The following RAB38 variants were observed in gnomAD, a reference collection of about 807,000 sequenced individuals.
RAB38 encodes RAB38, member RAS oncogene family.
In RAB38, 15 loss-of-function variants were observed where a neutral mutation model predicts 18.4. The observed-to-expected ratio is 0.82, with a 90% CI of 0.55 to 1.26. The LOEUF (loss-of-function observed/expected upper bound fraction) is 1.26, where lower values mean the gene tolerates loss of function less well. Ranked by LOEUF, RAB38 falls within the 50% of genes most tolerant of loss-of-function variation. RAB38 has a pLI of 0.00. For missense variants in RAB38, 294 were observed against 267.4 expected (o/e 1.10, Z -0.69); for synonymous variants, 101 against 104.4 (o/e 0.97, Z 0.20).
the RAB38 span, among the ~76,000 whole-genome samples, chr11:87,976,324 T>A: frequency 7.0e-6 from 1 of 142,970 alleles, no homozygotes; most frequent in Non-Finnish European, 1.5e-5. Context: ...ATACCAGAGT[T>A]TTTTATATGT....
intron 2 of RAB38, among the ~76,000 whole-genome samples, chr11:88,139,207 G>C (rs1283894536): frequency 6.6e-6 from 1 of 152,116 alleles, no homozygotes; most frequent in African/African-American, 2.4e-5. Flanking sequence ...ATGATGAGAA[G>C]CTTGTTTTTG....
the RAB38 span, among the ~76,000 whole-genome samples, chr11:87,810,804 G>GA: frequency 0.073 from 10,700 of 146,764 alleles, 448 homozygotes; most frequent in African/African-American, 0.11. Flanking sequence ...TGAATAGAAG[G>GA]AAAAAAAAAA....
At chr11:87,976,089 CTGGTA>C in the RAB38 span, among the ~76,000 whole-genome samples, 1 of 149,854 alleles carries the variant, frequency 6.7e-6, no homozygotes, top group African/African-American at 2.4e-5. Context: ...TCAAAAAAGT[CTGGTA>C]TATGTACATA....
the RAB38 span, among the ~76,000 whole-genome samples, chr11:87,822,492 C>T: frequency 1.3e-5 from 2 of 152,190 alleles, no homozygotes; most frequent in Non-Finnish European, 2.9e-5. Context: ...GTATAGTCAT[C>T]TCAATGCTCA....
At chr11:88,024,929 A>G in the RAB38 span, among the ~76,000 whole-genome samples, 3 of 152,090 alleles carry the variant, frequency 2.0e-5, no homozygotes, top group African/African-American at 7.2e-5. Context: ...GTTAGAAAGA[A>G]TGAATAGATC....
the RAB38 span, among the ~76,000 whole-genome samples, chr11:88,017,174 G>C: frequency 6.6e-6 from 1 of 151,916 alleles, no homozygotes; most frequent in Non-Finnish European, 1.5e-5. Context: ...ACATGAGAGA[G>C]GAAAGGTCAG....
chr11:88,151,540 A>G (rs956960996), intron 1 of RAB38, among the ~76,000 whole-genome samples: 12 of 152,238 alleles, frequency 7.9e-5, no homozygotes, highest in Non-Finnish European at 1.3e-4. Flanking sequence ...ATTTATGTTA[A>G]GAGTCTTATA....
chr11:87,965,526 C>T, the RAB38 span, among the ~76,000 whole-genome samples: 5,475 of 152,234 alleles, frequency 0.036, 127 homozygotes, highest in Non-Finnish European at 0.055. Flanking sequence ...TCACACACTC[C>T]GCTCAACTCC....
the RAB38 span, among the ~76,000 whole-genome samples, chr11:87,932,902 T>G: frequency 3.3e-5 from 5 of 152,138 alleles, no homozygotes; most frequent in Non-Finnish European, 7.4e-5. Context: ...GTCATATTAT[T>G]GAAATTTTAT....
At chr11:88,113,197 G>GAA (rs3079613), downstream of RAB38, 21,575 of 140,958 alleles carry the variant, frequency 0.15, 2,184 homozygotes, top group East Asian at 0.41. Flanking sequence ...TACTTTGTCC[G>GAA]AAAAAAAAAA....
the RAB38 span, among the ~76,000 whole-genome samples, chr11:87,844,082 C>G: frequency 6.6e-6 from 1 of 152,262 alleles, no homozygotes; most frequent in East Asian, 1.9e-4. Context: ...CATATAACGT[C>G]TCATCAGATT....
the RAB38 span, among the ~76,000 whole-genome samples, chr11:88,020,633 A>G: frequency 2.0e-5 from 3 of 152,202 alleles, no homozygotes; most frequent in Admixed American, 6.5e-5. Flanking sequence ...ATTTCATCCA[A>G]TGGCTGCAGA....
At chr11:87,972,790 C>G in the RAB38 span, among the ~76,000 whole-genome samples, 1 of 151,926 alleles carries the variant, frequency 6.6e-6, no homozygotes, top group African/African-American at 2.4e-5. Flanking sequence ...GAAATACCAA[C>G]GTAATATGGT....
At chr11:87,885,453 A>C in the RAB38 span, among the ~76,000 whole-genome samples, 1 of 151,926 alleles carries the variant, frequency 6.6e-6, no homozygotes, top group African/African-American at 2.4e-5. Context: ...TCTGCTTTGG[A>C]GTTATCCTAT....
the RAB38 span, among the ~76,000 whole-genome samples, chr11:88,013,156 C>T: frequency 8.6e-5 from 13 of 152,042 alleles, no homozygotes; most frequent in Non-Finnish European, 1.6e-4. Flanking sequence ...TCACTAAATA[C>T]CAAAAATAAT....
At chr11:87,872,015 C>T in the RAB38 span, among the ~76,000 whole-genome samples, 1 of 151,470 alleles carries the variant, frequency 6.6e-6, no homozygotes, top group Non-Finnish European at 1.5e-5. Flanking sequence ...AACAGAACTC[C>T]AGAGTCATAG....
chr11:87,925,155 A>C, the RAB38 span, among the ~76,000 whole-genome samples: 1 of 152,064 alleles, frequency 6.6e-6, no homozygotes, highest in African/African-American at 2.4e-5. Flanking sequence ...AGCATCCACC[A>C]AACCTGACTT....
the RAB38 span, among the ~76,000 whole-genome samples, chr11:87,962,570 A>G: frequency 1.3e-5 from 2 of 152,114 alleles, no homozygotes; most frequent in African/African-American, 2.4e-5. Flanking sequence ...ATAAATTGAT[A>G]TATCCTCAGT....
chr11:88,059,252 C>A, the RAB38 span, among the ~76,000 whole-genome samples: 1 of 152,186 alleles, frequency 6.6e-6, no homozygotes, highest in African/African-American at 2.4e-5. Flanking sequence ...TATTAACACA[C>A]GTTTTGAATG....
Sources: allele counts gnomAD v4.1 joint callset (sites outside exome capture counted in the v4.1 genomes callset), GRCh38; gene constraint gnomAD v4.1.1; transcripts MANE v1.5; gene names NCBI Gene and HGNC (gene_info 2026-07-23, HGNC 2026-07-21).